The following DOCK8 variants were observed in gnomAD, a reference collection of about 807,000 sequenced individuals.
The protein encoded by DOCK8 is dedicator of cytokinesis 8, also known as dedicator of cytokinesis protein 8.
Under a neutral mutation model 245.6 loss-of-function variants are expected in DOCK8, and 141 were observed. The observed-to-expected ratio is 0.57, with a 90% CI of 0.50 to 0.66. DOCK8 has a LOEUF of 0.66. DOCK8 is among the 30% of genes least tolerant of loss of function. DOCK8 has a pLI of 0.00. For synonymous variants in DOCK8, 1,168 were observed against 970.2 expected (o/e 1.20, Z -3.79); for missense variants, 2,965 against 2,603.4 (o/e 1.14, Z -3.02).
At chr9:347,594 T>C (rs1004552726) in intron 14 of DOCK8, among the ~76,000 whole-genome samples, 1 of 152,218 alleles carries the variant, frequency 6.6e-6, no homozygotes, top group African/African-American at 2.4e-5. Flanking sequence ...CAGTCGCTTA[T>C]GGAACAGAAG....
chr9:339,808 C>A (rs143385441), intron 13 of DOCK8, among the ~76,000 whole-genome samples: 1 of 152,224 alleles, frequency 6.6e-6, no homozygotes, highest in African/African-American at 2.4e-5. Flanking sequence ...GCCACCACAT[C>A]CGGCTGGAAG....
chr9:294,424 C>T (rs1432006235), intron 4 of DOCK8, among the ~76,000 whole-genome samples: 1 of 152,188 alleles, frequency 6.6e-6, no homozygotes, highest in Admixed American at 6.5e-5. Context: ...CATATTCTTG[C>T]CAGTGCTGGA....
intron 25 of DOCK8, among the ~76,000 whole-genome samples, chr9:398,650 A>G (rs956905161): frequency 1.3e-5 from 2 of 152,216 alleles, no homozygotes; most frequent in African/African-American, 4.8e-5. Context: ...GACCTCTCTT[A>G]GGCTGGAAAT....
At position 406,632 on chromosome 9, in the gene DOCK8, T is replaced by C. The variant is rs1419395169; in HGVS notation, c.3391-298T>C. 7.9e-5 allele frequency among the ~76,000 whole-genome samples: 12 copies of C among 152,110 alleles called. No individual in the cohort carries two copies. In the East Asian group the frequency reaches 1.9e-3, roughly 24 times the overall value. ...TCTCTGTCCAACTTTTATGCTAGGA[T>C]TTTTATCTTCAGCTTTTGATTTCAG... is the stretch of plus-strand genomic sequence containing the variant. On this transcript the variant is annotated intron_variant, in intron 27 of 47. Coordinates refer to ENST00000432829, the MANE Select transcript of DOCK8 (RefSeq NM_203447.4).
rs371375894 is a variant in DOCK8, at chr9:398,190, C to T, written c.3121-956C>T. Among the ~76,000 whole-genome samples, 3 of 152,230 alleles carry T rather than the reference C, an allele frequency of 2.0e-5. No individual in the cohort carries two copies. In the East Asian group the frequency reaches 5.8e-4, roughly 29 times the overall value. ...TAAATTTTCCAAAAGTCACACACAG[C>T]CAGCAGTAAAGCCAAGACTGGAGAT... On this transcript the variant is annotated intron_variant, in intron 25 of 47. Coordinates refer to ENST00000432829, the MANE Select transcript of DOCK8 (RefSeq NM_203447.4).
intron 24 of DOCK8, among the ~76,000 whole-genome samples, 170 bp downstream of exon 24, chr9:390,736 T>G (rs2054154800): frequency 6.6e-6 from 1 of 152,166 alleles, no homozygotes; most frequent in South Asian, 2.1e-4. Context: ...ATTGTGTTGC[T>G]TCTACCATGA....
At chr9:388,625 GC>G (rs1481321617) in intron 23 of DOCK8, among the ~76,000 whole-genome samples, 3 of 151,750 alleles carry the variant, frequency 2.0e-5, no homozygotes, top group Non-Finnish European at 4.4e-5. Flanking sequence ...TGCAATCTTG[GC>G]TCACTGCAAC....
At chr9:425,062 GA>G (rs1281433972) in intron 33 of DOCK8, among the ~76,000 whole-genome samples, 11 of 152,130 alleles carry the variant, frequency 7.2e-5, no homozygotes, top group Non-Finnish European at 2.9e-5. Context: ...TGCTTACATG[GA>G]GACAGTATTT....
chr9:421,172 T>C, intron 32 of DOCK8, 94 bp downstream of exon 32: 1 of 1,529,452 alleles, frequency 6.5e-7, no homozygotes, highest in Admixed American at 1.7e-5. Flanking sequence ...ACACCATTAC[T>C]TTCTTGAGAT....
At chr9:227,053 G>C (rs2047005630) in intron 1 of DOCK8, among the ~76,000 whole-genome samples, 1 of 152,180 alleles carries the variant, frequency 6.6e-6, no homozygotes, top group African/African-American at 2.4e-5. Flanking sequence ...AATATGTCAT[G>C]AGTGTTATCT....
chr9:392,433 C>A lies in DOCK8; in HGVS notation c.2970+1867C>A, dbSNP rs187523496. The stretch of plus-strand genomic sequence containing the variant: ...TTTGAGAAGGGTCCCAAAGCATGGT[C>A]CCAAATCCTTGCCACAGAACCACCT... On this transcript the variant is annotated intron_variant, in intron 24 of 47. Coordinates refer to ENST00000432829, the MANE Select transcript of DOCK8 (RefSeq NM_203447.4). Among the ~76,000 whole-genome samples the A allele has an allele frequency of 1.6e-3, 250 of 152,260 alleles. 2 individuals are homozygous for A. Among genetic ancestry groups the A allele is most frequent in the Non-Finnish European group, 5.3e-4 (36 of 68,016 alleles).
chr9:431,173 C>G (rs1287708921), intron 36 of DOCK8, among the ~76,000 whole-genome samples: 2 of 152,116 alleles, frequency 1.3e-5, no homozygotes, highest in African/African-American at 4.8e-5. Flanking sequence ...CCTGCCTAGC[C>G]AAGACTTGAG....
At chr9:255,688 AAAAAAC>A (rs1587671871) in intron 1 of DOCK8, among the ~76,000 whole-genome samples, 1 of 148,862 alleles carries the variant, frequency 6.7e-6, no homozygotes, top group South Asian at 2.1e-4. Flanking sequence ...AAAAAAAAAA[AAAAAAC>A]AGCTCAAATA....
rs2131297967 is a variant in DOCK8 at position 382,535 on chromosome 9, C to T, written c.2628C>T (p.Asp876=). The change falls in exon 22 of 48, where the codon GAC becomes GAT. Residue 876 remains aspartate, a synonymous_variant. Transcript: ENST00000432829. ...PKSGAPTALL[D]PRSYHTYGRT... ...CAGGCGCTCCCACTGCCCTCCTAGA[C>T]CCTCGGAGCTACCACACGTATGGCC... 1 of 1,613,912 alleles carries T rather than the reference C, an allele frequency of 6.2e-7. No homozygotes were observed.
upstream of DOCK8, chr9:214,858 G>A (rs1554639744): frequency 1.2e-6 from 2 of 1,602,146 alleles, no homozygotes; most frequent in Non-Finnish European, 1.7e-6. Flanking sequence ...AGTTTCCAGC[G>A]CCGACCGACA....
intron 8 of DOCK8, among the ~76,000 whole-genome samples, chr9:327,392 CTTTT>C (rs548852247): frequency 1.5e-5 from 2 of 131,768 alleles, no homozygotes; most frequent in Non-Finnish European, 1.6e-5. Flanking sequence ...TTTCCCTCAC[CTTTT>C]TTTTTTTTTT....
rs1418537233 is a variant in DOCK8, at chr9:392,150, AAAAG to A, written c.2970+1586_2970+1589del. ...CAAAACTCCATCTAAAAAAAAAAAA[AAAAG>A]AGAGAGGGACTAAAGAGATGGGAGG... On this transcript the variant is annotated intron_variant, in intron 24 of 47. Coordinates refer to ENST00000432829, the MANE Select transcript of DOCK8 (RefSeq NM_203447.4). 8.2e-4 allele frequency among the ~76,000 whole-genome samples: 124 copies of A among 152,138 alleles called. 1 individual carries two copies. Among genetic ancestry groups the A allele is most frequent in the Admixed American group, 3.9e-4 (6 of 15,280 alleles).
intron 28 of DOCK8, among the ~76,000 whole-genome samples, chr9:413,135 G>C (rs1479594663): frequency 6.6e-6 from 1 of 152,120 alleles, no homozygotes; most frequent in African/African-American, 2.4e-5. Flanking sequence ...TTTTTGACAA[G>C]AGTGCCAAAA....
chr9:444,656 T>C (rs1250958043), intron 43 of DOCK8, among the ~76,000 whole-genome samples: 1 of 152,284 alleles, frequency 6.6e-6, no homozygotes. Context: ...AATCACAGAA[T>C]TGGTCTTTTT....
Sources: gnomAD v4.1 joint callset for allele counts (sites outside exome capture counted in the v4.1 genomes callset) on GRCh38, gnomAD v4.1.1 for gene constraint, MANE v1.5 for transcripts, NCBI Gene and HGNC (gene_info 2026-07-23, HGNC 2026-07-21) for gene names.